PLA2G5: variants seen among roughly 807,000 people sequenced by gnomAD.
The protein encoded by PLA2G5 is Ca2+-dependent phospholipase A2.
In PLA2G5, 12 loss-of-function variants were observed where a neutral mutation model predicts 15.9. The observed-to-expected ratio is 0.76, with a 90% CI of 0.48 to 1.23. The LOEUF (loss-of-function observed/expected upper bound fraction) is 1.23, where lower values mean the gene tolerates loss of function less well. Ranked by LOEUF, PLA2G5 falls within the 50% of genes most tolerant of loss-of-function variation. PLA2G5 has a pLI of 0.00. For missense variants in PLA2G5, 169 were observed against 177.1 expected (o/e 0.95, Z 0.26); for synonymous variants, 71 against 71.4 (o/e 0.99, Z 0.03).
intron 1 of PLA2G5, among the ~76,000 whole-genome samples, chr1:20,043,925 G>A (rs568124919): frequency 2.6e-5 from 4 of 152,280 alleles, no homozygotes; most frequent in East Asian, 1.9e-4. Flanking sequence ...GGGGGCTTTC[G>A]AGGTGATTGG....
intron 1 of PLA2G5, among the ~76,000 whole-genome samples, chr1:20,036,629 G>A (rs1377928234): frequency 6.6e-6 from 1 of 151,928 alleles, no homozygotes; most frequent in African/African-American, 2.4e-5. Context: ...TTTCTCTAGA[G>A]ACTTCTTTGT....
intron 1 of PLA2G5, chr1:20,028,750 A>G (rs1353302252): frequency 1.3e-5 from 2 of 152,324 alleles, no homozygotes; most frequent in African/African-American, 2.4e-5. Context: ...GAGGAGGAAG[A>G]TTAAGGGCCC....
chr1:20,062,331 A>T (rs999951053), intron 2 of PLA2G5, among the ~76,000 whole-genome samples: 4 of 152,082 alleles, frequency 2.6e-5, no homozygotes, highest in African/African-American at 9.7e-5. Flanking sequence ...AGCATCTCAT[A>T]CTCCTGTCTC....
chr1:20,074,758 A>G lies in PLA2G5; in HGVS notation c.-11+4293A>G, dbSNP rs548459857. 2.0e-5 allele frequency among the ~76,000 whole-genome samples: 3 copies of G among 152,342 alleles called. No homozygotes were observed. In the East Asian group the frequency reaches 5.8e-4, roughly 29 times the overall value. ...AAAAACGTTCTTGGATTGAGCCAAA[A>G]TCTGACTGCTTAGCGCGTCCGTGCC... On this transcript the variant is annotated intron_variant, in intron 1 of 4. Transcript: ENST00000375108.
At chr1:20,069,663 A>AAAAGAAAG (rs57068796), upstream of PLA2G5, among the ~76,000 whole-genome samples, 2,558 of 142,492 alleles carry the variant, frequency 0.018, 42 homozygotes, top group African/African-American at 0.027. Context: ...CTCAGCTCAG[A>AAAAGAAAG]AAAGAAAGAA....
Position 20,048,939 on chromosome 1 carries a change from C to A in PLA2G5, n.277-10693C>A, listed in dbSNP as rs180937898. On this transcript the variant is annotated intron_variant and non_coding_transcript_variant, in intron 1 of 6. Transcript: ENST00000460175. ...GGGTATTTTCCAATAAAAATATATT[C>A]GTAGGAAGACATTCTTTCTAAAAAA... Among the ~76,000 whole-genome samples, 293 of 151,916 alleles carry A rather than the reference C, an allele frequency of 1.9e-3. 1 individual carries two copies. Among genetic ancestry groups the A allele is most frequent in the African/African-American group, 5.5e-3 (226 of 41,400 alleles).
In PLA2G5 at chr1:20,060,247, C is replaced by CTTTT. The variant is rs71585739; in HGVS notation, n.337+576_337+579dup. Among the ~76,000 whole-genome samples the CTTTT allele has an allele frequency of 9.7e-3, 810 of 83,686 alleles. 50 individuals carry two copies. The highest frequency in any genetic ancestry group is 0.026 in the African/African-American group (533 of 20,760). 54.9% of individuals were successfully genotyped at this position (83,686 alleles called of 152,430 possible). ...CTATTTACTGACTTTCTTTTTTCTTCTTTTTTTTTTTTTTTTTTTTTTTTG... is the reference window on the plus strand; with the variant it reads ...CTATTTACTGACTTTCTTTTTTCTTCTTTTTTTTTTTTTTTTTTTTTTTTTTTTG... On this transcript the variant is annotated intron_variant and non_coding_transcript_variant, in intron 2 of 6. Transcript: ENST00000460175.
chr1:20,082,760 C>A lies in PLA2G5; in HGVS notation c.-10-2061C>A, dbSNP rs1270244431. Among the ~76,000 whole-genome samples the A allele has an allele frequency of 2.0e-5, 3 of 151,892 alleles. No individual in the cohort carries two copies. In the South Asian group the frequency reaches 6.2e-4, roughly 31 times the overall value. On this transcript the variant is annotated intron_variant, in intron 1 of 4. Transcript: ENST00000375108. ...AACTAGCAGCCCTGGAAGGAGCAGG[C>A]TGTCTCTGGCCTCCAAGATGTCAAA... is the stretch of plus-strand genomic sequence containing the variant.
Position 20,087,683 on chromosome 1 carries a change from C to CAT in PLA2G5, c.185+1468_185+1469dup, listed in dbSNP as rs368772437. On this transcript the variant is annotated intron_variant, in intron 3 of 4. Transcript: ENST00000375108. ...CTTCAATAGAAGGCCCCTTCCAAGT[C>CAT]ATATATATATATACAGGGTTCCTTG... Among the ~76,000 whole-genome samples the CAT allele has an allele frequency of 4.4e-4, 67 of 151,570 alleles. 1 individual carries two copies. The highest frequency in any genetic ancestry group is 8.9e-4 in the African/African-American group (37 of 41,354).
intron 1 of PLA2G5, among the ~76,000 whole-genome samples, chr1:20,050,712 T>A (rs910425189): frequency 1.3e-5 from 2 of 150,566 alleles, no homozygotes; most frequent in Admixed American, 1.3e-4. Flanking sequence ...GGTTTTTGAC[T>A]TTTTTTTGGG....
chr1:20,038,753 G>A (rs2013420427), intron 1 of PLA2G5, among the ~76,000 whole-genome samples: 1 of 152,148 alleles, frequency 6.6e-6, no homozygotes, highest in South Asian at 2.1e-4. Context: ...ACTCTGGCAT[G>A]GGTGACAGAT....
At chr1:20,041,197 A>T (rs1378641420) in intron 1 of PLA2G5, among the ~76,000 whole-genome samples, 1 of 152,222 alleles carries the variant, frequency 6.6e-6, no homozygotes, top group Non-Finnish European at 1.5e-5. Flanking sequence ...AATCTCCTAT[A>T]GGTGCTTGGT....
chr1:20,091,621 C>A lies in PLA2G5; in HGVS notation c.*929C>A, dbSNP rs2016560175. ...GCTGAGGTTCTAGGATTTCACACAGCAGGAATTTTTTTTTAATAGGTGTCA... is the reference window on the plus strand; with the variant it reads ...GCTGAGGTTCTAGGATTTCACACAGAAGGAATTTTTTTTTAATAGGTGTCA... On this transcript the variant is annotated 3_prime_UTR_variant, in exon 5 of 5. Transcript: ENST00000375108. 6.6e-6 allele frequency among the ~76,000 whole-genome samples: 1 copy of A among 151,976 alleles called. No homozygotes were observed. Among genetic ancestry groups the A allele is most frequent in the Non-Finnish European group, 1.5e-5 (1 of 68,010 alleles).
At chr1:20,031,333 G>A (rs1172049696) in intron 1 of PLA2G5, among the ~76,000 whole-genome samples, 1 of 152,184 alleles carries the variant, frequency 6.6e-6, no homozygotes, top group Non-Finnish European at 1.5e-5. Context: ...AAGAGGTAAT[G>A]TATGAAGTTG....
At chr1:20,042,491 C>T (rs754506260) in intron 1 of PLA2G5, among the ~76,000 whole-genome samples, 8 of 152,146 alleles carry the variant, frequency 5.3e-5, no homozygotes, top group Middle Eastern at 3.4e-3. Flanking sequence ...GAATTTTGAC[C>T]GCACAGCCCT....
At chr1:20,085,975 G>T (rs933013136) in intron 2 of PLA2G5, 108 bp from the exon 3 acceptor site, 2 of 1,073,058 alleles carry the variant, frequency 1.9e-6, no homozygotes, top group East Asian at 5.0e-5. Context: ...GAGACATGCA[G>T]GTCCCTCCAA....
intron 1 of PLA2G5, among the ~76,000 whole-genome samples, chr1:20,073,708 C>T: frequency 6.6e-6 from 1 of 152,042 alleles, no homozygotes; most frequent in East Asian, 1.9e-4. Flanking sequence ...CATGGTGAAA[C>T]CCCGTCTCTA....
intron 1 of PLA2G5, among the ~76,000 whole-genome samples, chr1:20,058,850 A>C (rs1235227314): frequency 6.6e-6 from 1 of 152,122 alleles, no homozygotes; most frequent in African/African-American, 2.4e-5. Flanking sequence ...TAGGGTGTGC[A>C]AAATTGGTTC....
At chr1:20,082,575 A>G (rs937970575) in intron 1 of PLA2G5, among the ~76,000 whole-genome samples, 12 of 151,962 alleles carry the variant, frequency 7.9e-5, no homozygotes, top group African/African-American at 2.9e-4. Flanking sequence ...GGCTGTGACC[A>G]GTTATTATTT....
Sources: gnomAD v4.1 joint callset for allele counts (sites outside exome capture counted in the v4.1 genomes callset) on GRCh38, gnomAD v4.1.1 for gene constraint, MANE v1.5 for transcripts, NCBI Gene and HGNC (gene_info 2026-07-23, HGNC 2026-07-21) for gene names.